ADAMTS16: variants seen among roughly 807,000 people sequenced by gnomAD.
ADAMTS16 encodes the protein ADAM metallopeptidase with thrombospondin type 1 motif 16.
Under a neutral mutation model 145.8 loss-of-function variants are expected in ADAMTS16, and 94 were observed. The ratio of observed to expected loss-of-function variants is 0.64; its 90% confidence interval spans 0.55 to 0.77. The LOEUF (loss-of-function observed/expected upper bound fraction) is 0.77, where lower values mean the gene tolerates loss of function less well. ADAMTS16 is among the 30% of genes least tolerant of loss of function. The pLI is 0.00. For synonymous variants in ADAMTS16, 659 were observed against 604.3 expected, an observed-to-expected ratio of 1.09 and a Z score of -1.33; for missense variants, 1,585 against 1,591.5, an observed-to-expected ratio of 1.00 and a Z score of 0.07.
chr5:5,202,315 C>T (rs567080730), intron 9 of ADAMTS16, among the ~76,000 whole-genome samples: 11 of 152,012 alleles, frequency 7.2e-5, no homozygotes, highest in African/African-American at 2.7e-4. Context: ...ACAGTTTGGA[C>T]GATATGTGTA....
chr5:5,239,259 C>T lies in ADAMTS16; in HGVS notation c.2263C>T (p.His755Tyr). ...CTIHRGLYTK[H>Y]HHTNQYYHMV... is the part of the protein sequence containing the mutation. ...GATTCACAGGGGTCTCTACACCAAG[C>T]ACCACCACACCAACCGTGAGTACTT... Residue 755 changes from histidine (H) to tyrosine (Y), a missense_variant, in exon 15 of 23, where the codon CAC (histidine) becomes TAC (tyrosine). This residue lies in a region of ADAMTS16 where 834 missense variants were observed against 811.7 expected (regional missense o/e 1.03). Transcript: ENST00000274181. The T allele has an allele frequency of 3.8e-6, 6 of 1,572,958 alleles. No individual in the cohort carries two copies. The highest frequency in any genetic ancestry group is 4.3e-6 in the Non-Finnish European group (5 of 1,163,906).
Position 5,306,688 on chromosome 5 carries a change from G to T in ADAMTS16, c.3371G>T (p.Gly1124Val), listed in dbSNP as rs770920809. The change falls in exon 21 of 23, where the codon GGA (glycine) becomes GTA (valine). Residue 1124 changes from glycine (G) to valine (V), a missense_variant. This residue lies in a region of ADAMTS16 where 834 missense variants were observed against 811.7 expected (regional missense o/e 1.03). Transcript: ENST00000274181. ...CPRHPPFAAA[G>V]PSRGSWFASP... The stretch of plus-strand genomic sequence containing the variant: ...AGGCACCCCCCATTTGCTGCTGCGG[G>T]ACCCTCGAGGGGCAGCTGGTTTGCC... The T allele has an allele frequency of 1.2e-6, 2 of 1,613,408 alleles. No individual in the cohort carries two copies. The highest frequency in any genetic ancestry group is 2.2e-5 in the East Asian group (1 of 44,874).
At chr5:5,181,572 A>G (rs142346658) in intron 3 of ADAMTS16, among the ~76,000 whole-genome samples, 1 of 152,216 alleles carries the variant, frequency 6.6e-6, no homozygotes, top group African/African-American at 2.4e-5. Context: ...CCTTTTCTAG[A>G]AAGTGTTACA....
At chr5:5,279,879 CCCTT>C (rs769836445) in intron 18 of ADAMTS16, among the ~76,000 whole-genome samples, 230 of 148,924 alleles carry the variant, frequency 1.5e-3, no homozygotes, top group African/African-American at 3.2e-3. Context: ...TTCCCTCCCT[CCCTT>C]CCTTCCTTCC....
chr5:5,317,576 T>C lies in ADAMTS16; in HGVS notation c.3412-558T>C, dbSNP rs922184538. On this transcript the variant is annotated intron_variant, in intron 21 of 22. Coordinates refer to ENST00000274181, the MANE Select transcript of ADAMTS16 (RefSeq NM_139056.4). This position sits in a 1 kb window ranked among gnomAD's most constrained non-coding sequence, Gnocchi z 4.5. The stretch of plus-strand genomic sequence containing the variant: ...GGCCCAGCTAATTTTTTTTCTTTTT[T>C]TAATAGAGACGGGGTTTCATCATGT... Among the ~76,000 whole-genome samples the C allele has an allele frequency of 2.0e-5, 3 of 152,022 alleles. No homozygotes were observed. Among genetic ancestry groups the C allele is most frequent in the Admixed American group, 6.6e-5 (1 of 15,260 alleles).
chr5:5,305,411 T>C (rs1237278000), intron 20 of ADAMTS16, among the ~76,000 whole-genome samples: 64 of 15,538 alleles, frequency 4.1e-3, no homozygotes, highest in Admixed American at 0.011. Context: ...CACACACACA[T>C]CCCACACCAC....
chr5:5,165,258 A>T (rs1285948999), intron 3 of ADAMTS16, among the ~76,000 whole-genome samples: 2 of 152,128 alleles, frequency 1.3e-5, no homozygotes, highest in African/African-American at 4.8e-5. Flanking sequence ...GGATTCATCC[A>T]TGTTGTGTCT....
intron 2 of ADAMTS16, among the ~76,000 whole-genome samples, chr5:5,141,837 T>C (rs1410612576): frequency 6.6e-6 from 1 of 152,126 alleles, no homozygotes; most frequent in East Asian, 1.9e-4. Flanking sequence ...ACGCTCACCA[T>C]AGTACCTTTT....
At chr5:5,297,706 C>T (rs1739599158) in intron 18 of ADAMTS16, among the ~76,000 whole-genome samples, 2 of 152,176 alleles carry the variant, frequency 1.3e-5, no homozygotes, top group South Asian at 2.1e-4. Context: ...AGTATCTCCT[C>T]CACACCTTTG....
chr5:5,228,838 C>T (rs981909317), intron 11 of ADAMTS16, among the ~76,000 whole-genome samples: 1 of 152,228 alleles, frequency 6.6e-6, no homozygotes, highest in Admixed American at 6.5e-5. Flanking sequence ...GTTCTTAGCT[C>T]CCACATTTTA....
chr5:5,187,155 A>G (rs554424568), intron 5 of ADAMTS16, among the ~76,000 whole-genome samples: 2 of 152,264 alleles, frequency 1.3e-5, no homozygotes, highest in East Asian at 3.9e-4. Context: ...GAGCTTTTCC[A>G]ATATTTCCGC....
chr5:5,317,829 C>T lies in ADAMTS16; in HGVS notation c.3412-305C>T, dbSNP rs952361365. Among the ~76,000 whole-genome samples the T allele has an allele frequency of 2.0e-5, 3 of 148,744 alleles. No homozygotes were observed. Among genetic ancestry groups the T allele is most frequent in the Non-Finnish European group, 4.5e-5 (3 of 66,918 alleles). ...GAGCAAGTCCTGTCACCGCTCAAGG[C>T]TCAAGGCTGTCTTCTATCTGAAAAC... On this transcript the variant is annotated intron_variant, in intron 21 of 22. Coordinates refer to ENST00000274181, the MANE Select transcript of ADAMTS16 (RefSeq NM_139056.4). The surrounding 1 kb of genome is among the most constrained non-coding windows in gnomAD (Gnocchi z 4.5).
intron 18 of ADAMTS16, among the ~76,000 whole-genome samples, chr5:5,292,812 G>C (rs922545198): frequency 6.6e-6 from 1 of 152,134 alleles, no homozygotes. Flanking sequence ...ACCCCTTCTT[G>C]GGACACATTT....
intron 7 of ADAMTS16, 28 bp downstream of exon 7, chr5:5,190,158 C>T (rs1157961094): frequency 2.6e-6 from 4 of 1,545,818 alleles, no homozygotes; most frequent in Admixed American, 4.0e-5. Context: ...AGTGTGAGGA[C>T]CGTGTGTGGA....
chr5:5,206,352 G>A (rs1415974510), intron 9 of ADAMTS16, among the ~76,000 whole-genome samples: 1 of 134,174 alleles, frequency 7.5e-6, no homozygotes, highest in Non-Finnish European at 1.6e-5. Context: ...CGTGAACCCG[G>A]GAGGCGGAGC....
chr5:5,307,971 A>G (rs903071004), intron 21 of ADAMTS16, among the ~76,000 whole-genome samples: 10 of 152,194 alleles, frequency 6.6e-5, no homozygotes, highest in African/African-American at 2.4e-4. Context: ...GTCGAAGCCT[A>G]TTGTCATGGG....
At chr5:5,298,021 G>A (rs148867441) in intron 18 of ADAMTS16, among the ~76,000 whole-genome samples, 14 of 152,258 alleles carry the variant, frequency 9.2e-5, no homozygotes, top group South Asian at 2.1e-4. Context: ...TGGGCTGTCC[G>A]TTCCCACATG....
rs1740166827 is a variant in ADAMTS16, at chr5:5,306,539, AT to A, written c.3224del (p.Phe1075SerfsTer2). On this transcript the variant is annotated frameshift_variant, in exon 21 of 23. Coordinates refer to ENST00000274181, the MANE Select transcript of ADAMTS16 (RefSeq NM_139056.4). LOFTEE classifies it high-confidence loss of function. ...VTCERGTQKRFLKCAEKYVSG... is the reference protein window; with the variant it reads ...VTCERGTQKRXLKCAEKYVSG... ...CATGTGAAAGAGGAACACAGAAAAGATTCTTAAAATGTGCTGAAAAGTATGT... is the reference window on the plus strand; with the variant it reads ...CATGTGAAAGAGGAACACAGAAAAGATCTTAAAATGTGCTGAAAAGTATGT... 1 of 1,613,916 alleles carries A rather than the reference AT, an allele frequency of 6.2e-7. No homozygotes were observed. Among genetic ancestry groups the A allele is most frequent in the Non-Finnish European group, 8.5e-7 (1 of 1,179,906 alleles).
chr5:5,207,559 C>T (rs942310404), intron 9 of ADAMTS16, among the ~76,000 whole-genome samples: 1 of 152,086 alleles, frequency 6.6e-6, no homozygotes, highest in African/African-American at 2.4e-5. Context: ...CTAGGTAGCA[C>T]TTCCAATACA....
Sources: allele counts gnomAD v4.1 joint callset (sites outside exome capture counted in the v4.1 genomes callset), GRCh38; gene constraint gnomAD v4.1.1; regional missense constraint gnomAD v4.1.1; non-coding constraint Gnocchi (gnomAD v3.1); transcripts MANE v1.5; gene names NCBI Gene and HGNC (gene_info 2026-07-23, HGNC 2026-07-21).